Variants in UTRN observed in about 807,000 individuals in gnomAD.
UTRN encodes utrophin.
A neutral mutation model predicts 463.9 loss-of-function variants in UTRN; 283 were observed. The ratio of observed to expected loss-of-function variants is 0.61; its 90% confidence interval spans 0.55 to 0.67. The LOEUF is 0.67. UTRN is among the 30% of genes least tolerant of loss of function. The pLI is 0.00. For missense variants in UTRN, 3,922 were observed against 4,084.3 expected, an observed-to-expected ratio of 0.96 and a Z score of 1.08; for synonymous variants, 1,442 against 1,431.5, an observed-to-expected ratio of 1.01 and a Z score of -0.17.
chr6:144,521,055 G>A (rs1412699647), intron 39 of UTRN, among the ~76,000 whole-genome samples: 1 of 152,036 alleles, frequency 6.6e-6, no homozygotes, highest in Non-Finnish European at 1.5e-5. Context: ...GGAGGCTGAG[G>A]TCAGCTGATC....
chr6:144,320,569 C>T (rs757225511), intron 2 of UTRN, among the ~76,000 whole-genome samples: 12 of 152,136 alleles, frequency 7.9e-5, no homozygotes, highest in Non-Finnish European at 1.0e-4. Context: ...CTCAGACATA[C>T]ACACACAATT....
chr6:144,445,216 C>T (rs117109046), intron 14 of UTRN, among the ~76,000 whole-genome samples: 10,635 of 151,352 alleles, frequency 0.07, 497 homozygotes, highest in Admixed American at 0.15. Context: ...CCAGGTGTGG[C>T]GGTGGGTGCC....
intron 42 of UTRN, among the ~76,000 whole-genome samples, chr6:144,531,629 A>T (rs1490241461): frequency 2.0e-5 from 3 of 152,202 alleles, no homozygotes; most frequent in Non-Finnish European, 4.4e-5. Context: ...GAGCGACAGC[A>T]GGGCAGCTGC....
chr6:144,361,920 T>G (rs1462842339), intron 2 of UTRN, among the ~76,000 whole-genome samples: 6 of 152,134 alleles, frequency 3.9e-5, no homozygotes. Context: ...ACTGCCTGTT[T>G]CATTAGAGAG....
intron 51 of UTRN, among the ~76,000 whole-genome samples, chr6:144,669,461 A>G (rs1780766801): frequency 6.6e-6 from 1 of 152,186 alleles, no homozygotes; most frequent in Non-Finnish European, 1.5e-5. Context: ...TCCTGTTGTT[A>G]AAAATATTAT....
chr6:144,728,513 C>T (rs1048582631), intron 53 of UTRN, among the ~76,000 whole-genome samples: 4 of 150,056 alleles, frequency 2.7e-5, no homozygotes, highest in Admixed American at 6.6e-5. Context: ...ACACATCCTG[C>T]GATTTCTTCA....
At chr6:144,670,812 A>G (rs1413435825) in intron 51 of UTRN, among the ~76,000 whole-genome samples, 5 of 152,252 alleles carry the variant, frequency 3.3e-5, no homozygotes, top group East Asian at 3.9e-4. Flanking sequence ...TGATTTTTGT[A>G]TAAGGTGAGA....
intron 51 of UTRN, among the ~76,000 whole-genome samples, chr6:144,608,705 A>C (rs917294958): frequency 6.6e-6 from 1 of 152,140 alleles, no homozygotes; most frequent in African/African-American, 2.4e-5. Context: ...AGATATGTGA[A>C]GGACATGAAA....
chr6:144,638,516 A>G (rs972038710), intron 51 of UTRN, among the ~76,000 whole-genome samples: 3 of 152,172 alleles, frequency 2.0e-5, no homozygotes, highest in Non-Finnish European at 2.9e-5. Flanking sequence ...TTTAACAGTG[A>G]AAGAAGTCAC....
rs575057572 is a variant in UTRN, at chr6:144,512,486, A to G, written c.4944+1363A>G. 5.4e-4 allele frequency among the ~76,000 whole-genome samples: 82 copies of G among 152,022 alleles called. 1 individual carries two copies. In the South Asian group the frequency reaches 0.015, roughly 29 times the overall value. On this transcript the variant is annotated intron_variant, in intron 35 of 74. Transcript: ENST00000367545. ...TTATTAGTTCACATTTTCTTTTTTTAAAAATGTTTATTTTAAGTTCAGGGG... is the reference window on the plus strand; with the variant it reads ...TTATTAGTTCACATTTTCTTTTTTTGAAAATGTTTATTTTAAGTTCAGGGG...
At chr6:144,845,802 G>C (rs1257480517) in intron 73 of UTRN, among the ~76,000 whole-genome samples, 3 of 152,028 alleles carry the variant, frequency 2.0e-5, no homozygotes, top group African/African-American at 7.2e-5. Context: ...CTTTTAGCCT[G>C]ATTTCTCCCC....
At chr6:144,621,164 G>T (rs1775328453) in intron 51 of UTRN, among the ~76,000 whole-genome samples, 1 of 152,090 alleles carries the variant, frequency 6.6e-6, no homozygotes, top group African/African-American at 2.4e-5. Context: ...GCTATTACAG[G>T]TAAAGTGCTT....
chr6:144,528,780 C>G (rs1796782703), intron 41 of UTRN, among the ~76,000 whole-genome samples: 1 of 152,242 alleles, frequency 6.6e-6, no homozygotes, highest in South Asian at 2.1e-4. Flanking sequence ...TTGGTTGGCC[C>G]CCAGCCAGGA....
In UTRN at chr6:144,485,524, G is replaced by A; in HGVS notation, c.3822+5G>A. 1.2e-6 allele frequency: 2 copies of A among 1,612,802 alleles called. No homozygotes were observed. Among genetic ancestry groups the A allele is most frequent in the Non-Finnish European group, 1.7e-6 (2 of 1,179,538 alleles). On this transcript the variant is annotated splice_donor_5th_base_variant and intron_variant, in intron 28 of 74. Transcript: ENST00000367545. ...GCTGTCAACGAAGCCCTGGAGGTTG[G>A]AACCCGTGATCTCCACGGCATTTCT...
At chr6:144,710,608 CT>C (rs1197149465) in intron 53 of UTRN, among the ~76,000 whole-genome samples, 1 of 152,304 alleles carries the variant, frequency 6.6e-6, no homozygotes, top group Admixed American at 6.5e-5. Context: ...ATAATAAATA[CT>C]TTGTTCAGTG....
chr6:144,757,337 T>C (rs1050724491), intron 57 of UTRN, among the ~76,000 whole-genome samples: 5 of 151,938 alleles, frequency 3.3e-5, no homozygotes, highest in Non-Finnish European at 7.4e-5. Flanking sequence ...CTCTGTATGT[T>C]TCAGATGAAA....
chr6:144,847,434 T>TC (rs1355219686), intron 74 of UTRN, among the ~76,000 whole-genome samples: 1 of 152,118 alleles, frequency 6.6e-6, no homozygotes, highest in Non-Finnish European at 1.5e-5. Flanking sequence ...TTTTGTTTTT[T>TC]CCCAAAAAGG....
chr6:144,586,385 A>G (rs1802467079), intron 51 of UTRN, among the ~76,000 whole-genome samples: 2 of 152,152 alleles, frequency 1.3e-5, no homozygotes, highest in Non-Finnish European at 2.9e-5. Context: ...TTGGAGATAT[A>G]ATTAGCAGCA....
rs76586599 is a variant in UTRN at position 144,509,421 on chromosome 6, C to G, written c.4765-1523C>G. Reference sequence around the variant, plus strand: ...AATTCAATTTGTTTTTCAGCTGATTCTCATAGCTTTTTTAGGTAAAGACTC... The same window carrying G: ...AATTCAATTTGTTTTTCAGCTGATTGTCATAGCTTTTTTAGGTAAAGACTC... On this transcript the variant is annotated intron_variant, in intron 34 of 74. Coordinates refer to ENST00000367545, the MANE Select transcript of UTRN (RefSeq NM_007124.3). Among the ~76,000 whole-genome samples the G allele has an allele frequency of 6.2e-3, 943 of 151,974 alleles. 19 individuals carry two copies. The highest frequency in any genetic ancestry group is 0.062 in the East Asian group (320 of 5,178).
Sources: gnomAD v4.1 joint callset for allele counts (sites outside exome capture counted in the v4.1 genomes callset) on GRCh38, gnomAD v4.1.1 for gene constraint, MANE v1.5 for transcripts, NCBI Gene and HGNC (gene_info 2026-07-23, HGNC 2026-07-21) for gene names.